The following ARAP2 variants were observed in gnomAD, a reference collection of about 807,000 sequenced individuals.
ARAP2 encodes ArfGAP with RhoGAP domain, ankyrin repeat and PH domain 2, also known as arf-GAP with Rho-GAP domain, ANK repeat and PH domain-containing protein 2.
ARAP2 carries 148 observed loss-of-function variants against 194.5 expected under a neutral mutation model. The observed-to-expected ratio is 0.76, with a 90% CI of 0.67 to 0.87. The LOEUF is 0.87. ARAP2 is among the 40% of genes least tolerant of loss of function. ARAP2 has a pLI of 0.00. For missense variants in ARAP2, 2,128 were observed against 1,989.7 expected, an observed-to-expected ratio of 1.07 and a Z score of -1.32; for synonymous variants, 695 against 683.5, an observed-to-expected ratio of 1.02 and a Z score of -0.26.
chr4:36,112,612 G>T (rs1017024552), intron 26 of ARAP2, among the ~76,000 whole-genome samples: 8 of 151,472 alleles, frequency 5.3e-5, no homozygotes, highest in African/African-American at 1.9e-4. Flanking sequence ...GTACCACAGG[G>T]TCATACAAAA....
chr4:36,232,462 A>G (rs964841315), intron 1 of ARAP2, among the ~76,000 whole-genome samples: 1 of 152,216 alleles, frequency 6.6e-6, no homozygotes, highest in African/African-American at 2.4e-5. Context: ...TGTAAACAGC[A>G]ATTATGTGTC....
At chr4:36,201,608 G>A (rs769860942) in intron 6 of ARAP2, among the ~76,000 whole-genome samples, 6 of 152,100 alleles carry the variant, frequency 3.9e-5, no homozygotes, top group Non-Finnish European at 7.4e-5. Flanking sequence ...AGGGCAGGTG[G>A]TGTAAAGTTT....
intron 5 of ARAP2, among the ~76,000 whole-genome samples, chr4:36,036,123 T>G (rs2109214413): frequency 6.6e-6 from 1 of 152,284 alleles, no homozygotes; most frequent in South Asian, 2.1e-4. Context: ...CTGCCTTTTA[T>G]GTTTCCATAG....
At chr4:36,071,008 C>CA (rs1726735918) in intron 32 of ARAP2, among the ~76,000 whole-genome samples, 1 of 152,100 alleles carries the variant, frequency 6.6e-6, no homozygotes, top group African/African-American at 2.4e-5. Flanking sequence ...AGGATACTAA[C>CA]AACAAAGAGA....
chr4:36,005,719 T>C (rs1361584441), intron 10 of ARAP2: 5 of 152,186 alleles, frequency 3.3e-5, no homozygotes, highest in African/African-American at 1.2e-4. Context: ...AAATCATGTC[T>C]TTCACATAGC....
chr4:36,227,809 C>T (rs1243112914), intron 2 of ARAP2, among the ~76,000 whole-genome samples: 3 of 152,162 alleles, frequency 2.0e-5, no homozygotes, highest in African/African-American at 7.2e-5. Context: ...GAGAAAACCA[C>T]AACTATTTTA....
At chr4:36,008,928 C>T (rs1713863938) in intron 9 of ARAP2, among the ~76,000 whole-genome samples, 2 of 151,988 alleles carry the variant, frequency 1.3e-5, no homozygotes, top group Non-Finnish European at 1.5e-5. Context: ...TACATACAAC[C>T]AACAAGCATA....
At chr4:36,011,908 T>C (rs1354527597) in intron 9 of ARAP2, among the ~76,000 whole-genome samples, 1 of 152,082 alleles carries the variant, frequency 6.6e-6, no homozygotes, top group Non-Finnish European at 1.5e-5. Context: ...TTAATGGGGG[T>C]GAAAATACTT....
chr4:36,137,442 ACT>A (rs1451097746), intron 19 of ARAP2, among the ~76,000 whole-genome samples: 1 of 151,858 alleles, frequency 6.6e-6, no homozygotes, highest in Non-Finnish European at 1.5e-5. Flanking sequence ...TGTTAAATTA[ACT>A]CTGTGTAGAA....
At chr4:36,196,354 T>A (rs1285664170) in intron 6 of ARAP2, among the ~76,000 whole-genome samples, 1 of 152,158 alleles carries the variant, frequency 6.6e-6, no homozygotes, top group East Asian at 1.9e-4. Context: ...GGCTTAAGGA[T>A]CAGTCGAAGA....
chr4:36,028,982 A>G (rs1273731707), intron 5 of ARAP2, among the ~76,000 whole-genome samples: 1 of 151,990 alleles, frequency 6.6e-6, no homozygotes, highest in Admixed American at 6.6e-5. Context: ...AAGGAAATTA[A>G]TGAGGTATTA....
At chr4:36,229,971 T>G (rs1751112952) in intron 1 of ARAP2, among the ~76,000 whole-genome samples, 1 of 152,228 alleles carries the variant, frequency 6.6e-6, no homozygotes, top group Admixed American at 6.5e-5. Context: ...TAAGATTGGA[T>G]TCAAGAGCAT....
intron 16 of ARAP2, 67 bp downstream of exon 16, chr4:36,150,833 C>T (rs1730793636): frequency 2.0e-6 from 3 of 1,506,744 alleles, no homozygotes; most frequent in Non-Finnish European, 2.7e-6. Flanking sequence ...GATAACAAAA[C>T]TCTCATTACC....
chr4:36,151,841 C>T (rs1399483403), intron 15 of ARAP2, among the ~76,000 whole-genome samples: 1 of 151,988 alleles, frequency 6.6e-6, no homozygotes. Flanking sequence ...TACACATACT[C>T]AGAAAGAAAA....
In ARAP2 at chr4:36,177,880, T is replaced by C. The variant is rs1738334665; in HGVS notation, c.1804A>G (p.Lys602Glu). The part of the protein sequence containing the change: ...GYLELRGYKA[K>E]IFTVLSGNSV... Reference sequence around the variant, plus strand: ...TTTCCACTTAACACAGTAAAAATTTTTGCCTTATAGCCTCTCAATTCAAGA... The same window carrying C: ...TTTCCACTTAACACAGTAAAAATTTCTGCCTTATAGCCTCTCAATTCAAGA... Residue 602 changes from lysine to glutamate, a missense_variant, in exon 9 of 33, where the codon AAA becomes GAA. By Grantham distance (56) the Lys-to-Glu change is moderately conservative. Coordinates refer to ENST00000303965, the MANE Select transcript of ARAP2 (RefSeq NM_015230.4). 6.2e-7 allele frequency: 1 copy of C among 1,613,280 alleles called. No homozygotes were observed. The highest frequency in any genetic ancestry group is 1.7e-5 in the Admixed American group (1 of 59,900).
At position 36,160,976 on chromosome 4, in the gene ARAP2, G is replaced by A. The variant is rs143758826; in HGVS notation, c.2260-335C>T. Reference sequence around the variant, plus strand: ...AGTAGGTGGGCTAATGCTGTCTGAAGTGCTTGGTGGTGGAACAAGGAGCCA... The same window carrying A: ...AGTAGGTGGGCTAATGCTGTCTGAAATGCTTGGTGGTGGAACAAGGAGCCA... On this transcript the variant is annotated intron_variant, in intron 12 of 32. Coordinates refer to ENST00000303965, the MANE Select transcript of ARAP2 (RefSeq NM_015230.4). Among the ~76,000 whole-genome samples, 295 of 152,258 alleles carry A rather than the reference G, an allele frequency of 1.9e-3. 2 individuals are homozygous for A. Among genetic ancestry groups the A allele is most frequent in the African/African-American group, 6.7e-3 (278 of 41,540 alleles).
In ARAP2 at chr4:36,031,303, A is replaced by G. The variant is rs368155886; in HGVS notation, n.608-12017T>C. Among the ~76,000 whole-genome samples the G allele has an allele frequency of 7.2e-5, 11 of 152,202 alleles. No individual in the cohort carries two copies. The East Asian group carries it at 9.6e-4, about 13-fold the overall frequency. ...TTTGATAATATCTTGTTGTCCTTGT[A>G]TACAACCATTCCCCATGAAATACAT... On this transcript the variant is annotated intron_variant and non_coding_transcript_variant, in intron 5 of 12. Transcript: ENST00000503225.
chr4:36,119,631 T>TCTAA lies in ARAP2; in HGVS notation c.3963+15_3963+18dup. 6.5e-7 allele frequency: 1 copy of TCTAA among 1,537,774 alleles called. No homozygotes were observed. The highest frequency in any genetic ancestry group is 9.0e-7 in the Non-Finnish European group (1 of 1,116,348). ...TTTGTTTTGTTTAATTATTTAGAGA[T>TCTAA]CTAACTATTACTACTCACTTGGGTG... On this transcript the variant is annotated intron_variant, in intron 24 of 32. Coordinates refer to ENST00000303965, the MANE Select transcript of ARAP2 (RefSeq NM_015230.4).
chr4:36,143,560 C>T (rs920835829), intron 19 of ARAP2, among the ~76,000 whole-genome samples: 1 of 151,662 alleles, frequency 6.6e-6, no homozygotes, highest in Non-Finnish European at 1.5e-5. Flanking sequence ...TGTTTAAGTA[C>T]TTAAAATGGG....
Sources: gnomAD v4.1 joint callset for allele counts (sites outside exome capture counted in the v4.1 genomes callset) on GRCh38, gnomAD v4.1.1 for gene constraint, MANE v1.5 for transcripts, NCBI Gene and HGNC (gene_info 2026-07-23, HGNC 2026-07-21) for gene names.